Variants in ODAD2 observed in about 807,000 individuals in gnomAD.
The protein encoded by ODAD2 is outer dynein arm docking complex subunit 2.
ODAD2 carries 89 observed loss-of-function variants against 106.8 expected under a neutral mutation model. The observed-to-expected ratio is 0.83, with a 90% CI of 0.70 to 0.99. ODAD2 has a LOEUF of 0.99. Ranked by LOEUF, ODAD2 falls within the 50% of genes least tolerant of loss-of-function variation. The probability of loss-of-function intolerance (pLI) is 0.00; values close to 1 mark genes in which losing one functional copy is unlikely to be tolerated. For missense variants in ODAD2, 1,168 were observed against 1,238.5 expected, an observed-to-expected ratio of 0.94 and a Z score of 0.85; for synonymous variants, 404 against 436.2, an observed-to-expected ratio of 0.93 and a Z score of 0.92.
At chr10:27,857,512 C>G (rs551471731) in intron 19 of ODAD2, among the ~76,000 whole-genome samples, 27 of 152,320 alleles carry the variant, frequency 1.8e-4, no homozygotes, top group African/African-American at 6.3e-4. Flanking sequence ...ATTAATTTCA[C>G]TGTTTCCTTT....
chr10:27,906,666 T>C (rs1843613908), intron 17 of ODAD2, among the ~76,000 whole-genome samples: 1 of 152,206 alleles, frequency 6.6e-6, no homozygotes, highest in Admixed American at 6.5e-5. Flanking sequence ...TTATACACCA[T>C]GGAATACTAT....
chr10:27,849,319 G>T (rs993284395), intron 19 of ODAD2, among the ~76,000 whole-genome samples: 3 of 150,620 alleles, frequency 2.0e-5, no homozygotes, highest in Non-Finnish European at 4.4e-5. Context: ...ACCAAAGACT[G>T]CATGTTCTCA....
At chr10:27,916,184 A>G (rs1590009931) in intron 16 of ODAD2, among the ~76,000 whole-genome samples, 1 of 152,258 alleles carries the variant, frequency 6.6e-6, no homozygotes, top group East Asian at 1.9e-4. Flanking sequence ...CCAATATAGT[A>G]GAGCAGCATG....
chr10:27,827,413 T>TATATATA, intron 19 of ODAD2, among the ~76,000 whole-genome samples: 1 of 131,562 alleles, frequency 7.6e-6, no homozygotes, highest in African/African-American at 3.1e-5. Flanking sequence ...ATATATATAT[T>TATATATA]CCATGTTTCT....
rs1218735454 is a variant in ODAD2 at position 27,812,336 on chromosome 10, A to G, written c.*176T>C. 6.8e-6 allele frequency: 4 copies of G among 591,536 alleles called. No individual in the cohort carries two copies. In the South Asian group the frequency reaches 9.6e-5, roughly 14 times the overall value. The allele number at this position is 591,536 out of a possible 1,614,324, so 36.6% of individuals were successfully genotyped here. A position where few individuals can be genotyped will look rare whatever the true frequency, so the allele number is the denominator to read the frequency against. Reference sequence around the variant, plus strand: ...CTCGAAAACATTAAATAGAAACAAAAGTCTCCATGCAATTTTCAGATGAAA... The same window carrying G: ...CTCGAAAACATTAAATAGAAACAAAGGTCTCCATGCAATTTTCAGATGAAA... On this transcript the variant is annotated 3_prime_UTR_variant, in exon 20 of 20. Coordinates refer to ENST00000305242, the MANE Select transcript of ODAD2 (RefSeq NM_018076.5).
At chr10:27,970,059 T>G (rs561924185) in intron 8 of ODAD2, among the ~76,000 whole-genome samples, 2 of 151,914 alleles carry the variant, frequency 1.3e-5, no homozygotes, top group Admixed American at 6.6e-5. Context: ...TGAGCCAAGT[T>G]TGTGCCACTG....
At chr10:27,860,262 G>A (rs368340868) in intron 19 of ODAD2, among the ~76,000 whole-genome samples, 148 of 152,020 alleles carry the variant, frequency 9.7e-4, no homozygotes, top group African/African-American at 3.4e-3. Flanking sequence ...GACCAGCCAG[G>A]GCAGCATGGC....
At chr10:27,987,737 C>G (rs1849964929) in intron 2 of ODAD2, among the ~76,000 whole-genome samples, 194 bp from the exon 3 acceptor site, 1 of 151,790 alleles carries the variant, frequency 6.6e-6, no homozygotes. Flanking sequence ...AACTTACCAG[C>G]AAGCCTAGTG....
intron 17 of ODAD2, among the ~76,000 whole-genome samples, chr10:27,895,007 G>C (rs1467882688): frequency 2.2e-5 from 3 of 139,098 alleles, no homozygotes; most frequent in African/African-American, 7.9e-5. Flanking sequence ...GACATACAGA[G>C]AGAATTAGAG....
intron 14 of ODAD2, among the ~76,000 whole-genome samples, chr10:27,937,629 T>C (rs1232254889): frequency 1.3e-5 from 2 of 152,180 alleles, no homozygotes; most frequent in Non-Finnish European, 2.9e-5. Context: ...ATGATACAGT[T>C]AGCAGAGACT....
intron 3 of ODAD2, among the ~76,000 whole-genome samples, chr10:27,985,684 A>G (rs1011203501): frequency 6.6e-6 from 1 of 152,132 alleles, no homozygotes; most frequent in African/African-American, 2.4e-5. Context: ...CTAAGCCTAC[A>G]GACCCAGTAG....
At chr10:27,819,578 A>C in intron 19 of ODAD2, among the ~76,000 whole-genome samples, 1 of 141,010 alleles carries the variant, frequency 7.1e-6, no homozygotes, top group Non-Finnish European at 1.5e-5. Flanking sequence ...GTCTCTTAAA[A>C]AAAAAAAAAA....
intron 9 of ODAD2, among the ~76,000 whole-genome samples, chr10:27,965,139 T>C (rs1339171495): frequency 1.3e-5 from 2 of 152,088 alleles, no homozygotes; most frequent in African/African-American, 4.8e-5. Flanking sequence ...AAAGTGATAG[T>C]CAGTCAATGT....
At chr10:27,870,369 TCA>T (rs1288344512) in intron 17 of ODAD2, among the ~76,000 whole-genome samples, 1 of 152,140 alleles carries the variant, frequency 6.6e-6, no homozygotes, top group African/African-American at 2.4e-5. Flanking sequence ...ATTATTATTA[TCA>T]CACTTTAAGT....
chr10:27,927,424 T>C (rs1832499822), intron 16 of ODAD2, among the ~76,000 whole-genome samples: 1 of 152,172 alleles, frequency 6.6e-6, no homozygotes, highest in African/African-American at 2.4e-5. Flanking sequence ...CATGTAAGAC[T>C]TAAAGCTCAA....
chr10:27,967,161 C>G (rs1265134591), intron 9 of ODAD2, among the ~76,000 whole-genome samples: 1 of 151,758 alleles, frequency 6.6e-6, no homozygotes, highest in Non-Finnish European at 1.5e-5. Context: ...CAATCAAGAC[C>G]ACACATAACA....
intron 10 of ODAD2, among the ~76,000 whole-genome samples, chr10:27,951,314 A>T (rs1365398538): frequency 6.6e-6 from 1 of 152,228 alleles, no homozygotes; most frequent in East Asian, 1.9e-4. Context: ...AATAAGTTTT[A>T]AAAATGTTAA....
intron 1 of ODAD2, among the ~76,000 whole-genome samples, chr10:27,997,933 A>G (rs1216082676): frequency 6.6e-6 from 1 of 152,236 alleles, no homozygotes; most frequent in Non-Finnish European, 1.5e-5. Flanking sequence ...AGTTTTGGTT[A>G]CGTGTTTACA....
At chr10:27,860,047 A>G (rs576657941) in intron 19 of ODAD2, among the ~76,000 whole-genome samples, 1 of 152,252 alleles carries the variant, frequency 6.6e-6, no homozygotes, top group East Asian at 1.9e-4. Context: ...TATGCTGTAC[A>G]TTTTCTTTCA....
Sources: gnomAD v4.1 joint callset for allele counts (sites outside exome capture counted in the v4.1 genomes callset) on GRCh38, gnomAD v4.1.1 for gene constraint, MANE v1.5 for transcripts, NCBI Gene and HGNC (gene_info 2026-07-23, HGNC 2026-07-21) for gene names.